The following DGKB variants were observed in gnomAD, a reference collection of about 807,000 sequenced individuals.
DGKB encodes the protein diacylglycerol kinase beta, also known as 90 kDa diacylglycerol kinase.
In DGKB, 67 loss-of-function variants were observed where a neutral mutation model predicts 114.3. The observed-to-expected ratio is 0.59, with a 90% CI of 0.48 to 0.72. DGKB has a LOEUF of 0.72. Ranked by LOEUF, DGKB falls within the 30% of genes least tolerant of loss-of-function variation. DGKB has a pLI of 0.00. For synonymous variants in DGKB, 398 were observed against 323.1 expected (o/e 1.23, Z -2.49); for missense variants, 907 against 975.2 (o/e 0.93, Z 0.93).
chr7:14,260,105 CATGA>C (rs202106507), intron 23 of DGKB, among the ~76,000 whole-genome samples: 709 of 34,370 alleles, frequency 0.021, 9 homozygotes, highest in African/African-American at 0.085. Flanking sequence ...CACACACACA[CATGA>C]ACACACACAC....
chr7:14,257,675 A>C (rs1428087555), intron 23 of DGKB, among the ~76,000 whole-genome samples: 1 of 151,908 alleles, frequency 6.6e-6, no homozygotes, highest in Admixed American at 6.6e-5. Flanking sequence ...CATGATTATA[A>C]TTTTCCTGAG....
At chr7:14,761,241 G>A (rs1004596370) in intron 2 of DGKB, among the ~76,000 whole-genome samples, 4 of 151,998 alleles carry the variant, frequency 2.6e-5, no homozygotes, top group South Asian at 2.1e-4. Context: ...TGATTTGACC[G>A]GTCAATCTTC....
intron 23 of DGKB, among the ~76,000 whole-genome samples, chr7:14,202,645 G>T (rs540382801): frequency 4.0e-5 from 6 of 151,762 alleles, no homozygotes; most frequent in Admixed American, 1.3e-4. Context: ...ATATTATATA[G>T]AACTGCCTAT....
chr7:14,417,963 G>C (rs1055154046), intron 21 of DGKB, among the ~76,000 whole-genome samples: 9 of 151,044 alleles, frequency 6.0e-5, no homozygotes, highest in African/African-American at 2.2e-4. Flanking sequence ...AAATGTCAGA[G>C]TTATAAACAT....
At chr7:14,649,812 A>C (rs1814023216) in intron 13 of DGKB, among the ~76,000 whole-genome samples, 1 of 142,352 alleles carries the variant, frequency 7.0e-6, no homozygotes, top group African/African-American at 2.7e-5. Context: ...TCTACCAAGC[A>C]AATGGAAAAC....
intron 20 of DGKB, among the ~76,000 whole-genome samples, chr7:14,524,831 T>A (rs1008889930): frequency 6.6e-6 from 1 of 151,616 alleles, no homozygotes; most frequent in Non-Finnish European, 1.5e-5. Context: ...TACTAAAAAA[T>A]TACTGTTAAT....
At chr7:14,436,212 A>T (rs570647788) in intron 21 of DGKB, among the ~76,000 whole-genome samples, 1 of 152,300 alleles carries the variant, frequency 6.6e-6, no homozygotes, top group Non-Finnish European at 1.5e-5. Flanking sequence ...ACTGGATCTC[A>T]TGTTAAGTGT....
chr7:14,719,799 G>C (rs1343142193), intron 5 of DGKB, among the ~76,000 whole-genome samples: 2 of 152,100 alleles, frequency 1.3e-5, no homozygotes, highest in African/African-American at 4.8e-5. Flanking sequence ...TGGTGATGTT[G>C]TCACTAATAA....
chr7:14,853,537 G>A (rs777354251), intron 1 of DGKB, among the ~76,000 whole-genome samples: 1 of 151,790 alleles, frequency 6.6e-6, no homozygotes, highest in Non-Finnish European at 1.5e-5. Context: ...ACTTTTAGAA[G>A]TGAGTTTAAA....
intron 1 of DGKB, among the ~76,000 whole-genome samples, chr7:14,877,574 A>G (rs1239118386): frequency 6.6e-6 from 1 of 152,156 alleles, no homozygotes; most frequent in African/African-American, 2.4e-5. Flanking sequence ...AAAAACAGAA[A>G]GAAAAGTAAA....
At chr7:14,330,370 A>G (rs1809513814) in intron 23 of DGKB, among the ~76,000 whole-genome samples, 1 of 151,890 alleles carries the variant, frequency 6.6e-6, no homozygotes, top group Non-Finnish European at 1.5e-5. Flanking sequence ...ATCCCTGTGT[A>G]CCTTTTTGGA....
chr7:14,481,638 C>T (rs914805722), intron 20 of DGKB, among the ~76,000 whole-genome samples: 2 of 151,864 alleles, frequency 1.3e-5, no homozygotes, highest in African/African-American at 4.8e-5. Flanking sequence ...TGAGTGTCAT[C>T]AAGAGTTATT....
intron 13 of DGKB, among the ~76,000 whole-genome samples, chr7:14,640,324 G>C (rs1335616153): frequency 6.6e-6 from 1 of 152,142 alleles, no homozygotes; most frequent in Non-Finnish European, 1.5e-5. Flanking sequence ...AAATCTGAAA[G>C]AATATACGCA....
At chr7:14,776,915 G>T (rs1290094048) in intron 2 of DGKB, among the ~76,000 whole-genome samples, 1 of 152,186 alleles carries the variant, frequency 6.6e-6, no homozygotes, top group African/African-American at 2.4e-5. Context: ...GACACTCAAT[G>T]CTAGCTATGA....
chr7:14,685,935 C>T (rs1821603237), intron 9 of DGKB, among the ~76,000 whole-genome samples: 1 of 151,928 alleles, frequency 6.6e-6, no homozygotes, highest in Non-Finnish European at 1.5e-5. Context: ...ATACTATATT[C>T]CAATTTATAT....
chr7:14,859,279 G>A (rs1167014429), intron 1 of DGKB, among the ~76,000 whole-genome samples: 1 of 152,098 alleles, frequency 6.6e-6, no homozygotes, highest in East Asian at 1.9e-4. Flanking sequence ...CAAGAAAAGA[G>A]GAAGGTAAAA....
intron 20 of DGKB, among the ~76,000 whole-genome samples, chr7:14,532,472 A>G (rs1278739781): frequency 6.6e-6 from 1 of 151,494 alleles, no homozygotes; most frequent in African/African-American, 2.4e-5. Flanking sequence ...TAGTAAAACT[A>G]AGAGAGCTGG....
chr7:14,885,218 AC>A (rs1214614312), intron 1 of DGKB, among the ~76,000 whole-genome samples: 3 of 152,006 alleles, frequency 2.0e-5, no homozygotes, highest in Admixed American at 2.0e-4. Context: ...GGGATTGCTA[AC>A]ACTGCAATCA....
chr7:14,936,879 G>A, intron 1 of DGKB, among the ~76,000 whole-genome samples: 1 of 152,050 alleles, frequency 6.6e-6, no homozygotes, highest in East Asian at 1.9e-4. Context: ...GGTGACACTT[G>A]GAGGGGACTA....
Sources: allele counts gnomAD v4.1 joint callset (sites outside exome capture counted in the v4.1 genomes callset), GRCh38; gene constraint gnomAD v4.1.1; transcripts MANE v1.5; gene names NCBI Gene and HGNC (gene_info 2026-07-23, HGNC 2026-07-21).